LAMA5: variants seen among roughly 807,000 people sequenced by gnomAD.
LAMA5 encodes the protein laminin subunit alpha 5, also known as laminin subunit alpha-5.
Under a neutral mutation model 433.4 loss-of-function variants are expected in LAMA5, and 260 were observed. The observed-to-expected ratio is 0.60, with a 90% CI of 0.54 to 0.66. The LOEUF (loss-of-function observed/expected upper bound fraction) is 0.66, where lower values mean the gene tolerates loss of function less well. LAMA5 is among the 30% of genes least tolerant of loss of function. The pLI is 0.00. For missense variants in LAMA5, 5,378 were observed against 5,258.5 expected (o/e 1.02, Z -0.70); for synonymous variants, 2,620 against 2,226.6 (o/e 1.18, Z -4.97).
intron 2 of LAMA5, among the ~76,000 whole-genome samples, chr20:62,358,059 A>G (rs1156661185): frequency 6.6e-6 from 1 of 152,202 alleles, no homozygotes; most frequent in East Asian, 1.9e-4. Flanking sequence ...GTTTAGAAAC[A>G]GACAGAAAAC....
rs577910375 is a variant in LAMA5 at position 62,313,629 on chromosome 20, C to T, written c.8658+20G>A. 1 of 1,611,704 alleles carries T rather than the reference C, an allele frequency of 6.2e-7. No homozygotes were observed. Among genetic ancestry groups the T allele is most frequent in the South Asian group, 1.1e-5 (1 of 91,016 alleles). ...GGCTGCGGAGCCCCTCCCAGGCTGC[C>T]CCAGGCCGGGCGGGCTCACCGTGAA... is the stretch of plus-strand genomic sequence containing the variant. On this transcript the variant is annotated intron_variant, in intron 63 of 79. Transcript: ENST00000252999.
rs2146106679 is a variant in LAMA5, at chr20:62,320,889, C to T, written c.6498G>A (p.Val2166=). 4 of 1,606,164 alleles carry T rather than the reference C, an allele frequency of 2.5e-6. No homozygotes were observed. Among genetic ancestry groups the T allele is most frequent in the Non-Finnish European group, 3.4e-6 (4 of 1,176,248 alleles). ...GGAGCAGGACCACACAGTGGTCACA[C>T]ACTGCAGGCGATGTGGGGTCACAGG... ...GPVGHSIHCE[V]CDHCVVLLLD... Residue 2166 remains valine (V), a splice_region_variant and synonymous_variant, in exon 49 of 80, where the codon GTG becomes GTA. Transcript: ENST00000252999.
In LAMA5 at chr20:62,324,337, C is replaced by A; in HGVS notation, c.5643+104G>T. 7.0e-7 allele frequency: 1 copy of A among 1,436,298 alleles called. No homozygotes were observed. The allele number at this position is 1,436,298 out of a possible 1,614,324, so 89.0% of individuals were successfully genotyped here. A position where few individuals can be genotyped will look rare whatever the true frequency, so the allele number is the denominator to read the frequency against. ...GTCCCCCACTGGGCAACACCCTTCC[C>A]CAGACCTCAGTTGACCTGGAAGTGC... On this transcript the variant is annotated intron_variant, in intron 42 of 79. Transcript: ENST00000252999. The surrounding 1 kb of genome is among the most constrained non-coding windows in gnomAD (Gnocchi z 4.4).
intron 2 of LAMA5, among the ~76,000 whole-genome samples, chr20:62,361,849 C>A (rs1428759821): frequency 6.6e-6 from 1 of 152,228 alleles, no homozygotes; most frequent in African/African-American, 2.4e-5. Context: ...TTGGAGGCAC[C>A]CAGCTGCAGC....
In LAMA5 at chr20:62,330,940, C is replaced by A. The variant is rs200702801; in HGVS notation, c.3655G>T (p.Ala1219Ser). Residue 1219 changes from alanine (A) to serine (S), a missense_variant, in exon 30 of 80, where the codon GCC (alanine) becomes TCC (serine). Transcript: ENST00000252999. ...TTTGGGAAGCGCGAGGGCAGACAGG[C>A]GGCACTGGTGAGAGCACAGTGGGTG... is the stretch of plus-strand genomic sequence containing the variant. ...SHGAFGPNSA[A>S]CLPSRFPKPP... 2 of 1,552,090 alleles carry A rather than the reference C, an allele frequency of 1.3e-6. No homozygotes were observed. The highest frequency in any genetic ancestry group is 4.9e-5 in the East Asian group (2 of 41,012).
chr20:62,329,682 G>T, intron 32 of LAMA5, 95 bp downstream of exon 32: 1 of 1,474,728 alleles, frequency 6.8e-7, no homozygotes. Flanking sequence ...GCCTCAGCAG[G>T]CCCAGAAGAG....
chr20:62,329,273 C>G lies in LAMA5; in HGVS notation c.4120-20G>C. On this transcript the variant is annotated intron_variant, in intron 32 of 79. Coordinates refer to ENST00000252999, the MANE Select transcript of LAMA5 (RefSeq NM_005560.6). ...ATAATCCTAGGGGGTGAGGCCTGGT[C>G]ACTCTCCCGCGGGCCCAGAGCCTGC... 1.3e-6 allele frequency: 2 copies of G among 1,571,256 alleles called. No individual in the cohort carries two copies. Among genetic ancestry groups the G allele is most frequent in the Non-Finnish European group, 1.7e-6 (2 of 1,143,966 alleles).
rs1979865390 is a variant in LAMA5, at chr20:62,329,156, G to A, written c.4217C>T (p.Ala1406Val). The A allele has an allele frequency of 6.2e-7, 1 of 1,612,676 alleles. No individual in the cohort carries two copies. Among genetic ancestry groups the A allele is most frequent in the Admixed American group, 1.7e-5 (1 of 59,994 alleles). ...TGCCCACCTGATGTGGTAGCCCTGG[G>A]CTGCGCAGTGGCTGATGAAGTCATA... ...KSYDFISHCA[A>V]QGYHISPSSS... The change falls in exon 33 of 80, where the codon GCC becomes GTC. Residue 1406 changes from alanine (A) to valine (V), a missense_variant. Physicochemically the swap from Ala to Val is moderately conservative, Grantham distance 64. Transcript: ENST00000252999.
chr20:62,329,534 T>C (rs550744221), intron 32 of LAMA5, among the ~76,000 whole-genome samples: 2 of 152,272 alleles, frequency 1.3e-5, no homozygotes, highest in East Asian at 3.9e-4. Context: ...CTCTCCTTCC[T>C]GGAGGCCCCA....
At chr20:62,330,991 C>T (rs763804571) in intron 29 of LAMA5, 41 bp downstream of exon 29, 1 of 1,570,688 alleles carries the variant, frequency 6.4e-7, no homozygotes, top group East Asian at 2.4e-5. Context: ...TGCCGCCGGG[C>T]CCTCGGCCGC....
In LAMA5 at chr20:62,320,772, C is replaced by T. The variant is rs1987612505; in HGVS notation, c.6615G>A (p.Leu2205=). 2.5e-6 allele frequency: 4 copies of T among 1,612,644 alleles called. No homozygotes were observed. The East Asian group carries it at 8.9e-5, about 36-fold the overall frequency. ...CAGCGATGGAGGCGTTCAGCCTGTGCAGACGGGCCCAGGCCATGGAGCTGG... is the reference window on the plus strand; with the variant it reads ...CAGCGATGGAGGCGTTCAGCCTGTGTAGACGGGCCCAGGCCATGGAGCTGG... ...INASSMAWAR[L]HRLNASIADL... is the part of the protein sequence containing the mutation. The change falls in exon 49 of 80, where the codon CTG becomes CTA. Residue 2205 remains leucine, a synonymous_variant. Transcript: ENST00000252999.
At chr20:62,320,447 GCACTGA>G (rs1377897801) in intron 50 of LAMA5, 106 bp downstream of exon 50, 34 of 775,060 alleles carry the variant, frequency 4.4e-5, no homozygotes, top group Non-Finnish European at 5.9e-5. Context: ...CCTGTCCCCT[GCACTGA>G]CACATGTACG....
chr20:62,365,393 G>A (rs1408438963), intron 1 of LAMA5, among the ~76,000 whole-genome samples: 2 of 152,224 alleles, frequency 1.3e-5, no homozygotes, highest in Non-Finnish European at 2.9e-5. Flanking sequence ...GGAGAGGGGC[G>A]TTGACTACAG....
At position 62,323,815 on chromosome 20, in the gene LAMA5, C is replaced by T. The variant is rs1264679740; in HGVS notation, c.5810G>A (p.Cys1937Tyr). 1 of 1,610,700 alleles carries T rather than the reference C, an allele frequency of 6.2e-7. No individual in the cohort carries two copies. The highest frequency in any genetic ancestry group is 1.1e-5 in the South Asian group (1 of 90,810). The change falls in exon 44 of 80, where the codon TGC (cysteine) becomes TAC (tyrosine). Residue 1937 changes from cysteine (C) to tyrosine (Y), a missense_variant. Transcript: ENST00000252999. ...ACCTGCATAACCAGGTTTGCAGAGG[C>T]ACTGGGTGCGGCCGCCTCGCAGGAC... ...GCVLRGGRTQ[C>Y]LCKPGYAGAS...
chr20:62,340,834 A>G (rs1316632809), intron 11 of LAMA5, among the ~76,000 whole-genome samples: 1 of 151,870 alleles, frequency 6.6e-6, no homozygotes, highest in Non-Finnish European at 1.5e-5. Context: ...CAGGAGTTCG[A>G]GATCAGCCTG....
rs150724688 is a variant in LAMA5 at position 62,317,700 on chromosome 20, C to T, written c.7318G>A (p.Val2440Ile). ...TCCAGGCTGTGCAGCAATCTGAAGA[C>T]GCTGGCCAGGGTGTCCCTAGCCGCA... Reference protein sequence around the residue: ...LHAARDTLASVFRLLHSLDQA... With the variant: ...LHAARDTLASIFRLLHSLDQA... Residue 2440 changes from valine to isoleucine, a missense_variant, in exon 54 of 80, where the codon GTC becomes ATC. Physicochemically the swap from Val to Ile is conservative, Grantham distance 29. Coordinates refer to ENST00000252999, the MANE Select transcript of LAMA5 (RefSeq NM_005560.6). The T allele has an allele frequency of 7.2e-4, 1,146 of 1,602,128 alleles. 4 individuals carry two copies. In the African/African-American group the frequency reaches 0.011, roughly 15 times the overall value.
chr20:62,312,256 C>T lies in LAMA5; in HGVS notation c.9421G>A (p.Ala3141Thr). The T allele has an allele frequency of 6.2e-7, 1 of 1,611,178 alleles. No individual in the cohort carries two copies. Among genetic ancestry groups the T allele is most frequent in the Non-Finnish European group, 8.5e-7 (1 of 1,179,406 alleles). Residue 3141 changes from alanine to threonine, a missense_variant, in exon 69 of 80, where the codon GCA becomes ACA. Physicochemically the swap from Ala to Thr is moderately conservative, Grantham distance 58. Transcript: ENST00000252999. ...GFLRLALSNV[A>T]PLTGNVYSGF... ...GAGTAGACGTTGCCAGTGAGCGGTG[C>T]CACGTTCGAGAGCGCCAGGCGAAGG...
intron 23 of LAMA5, 24 bp downstream of exon 23, chr20:62,333,877 C>T: frequency 6.5e-7 from 1 of 1,546,914 alleles, no homozygotes; most frequent in Non-Finnish European, 8.8e-7. Flanking sequence ...GGGGCAGGGG[C>T]TGTGGCCCAG....
At chr20:62,365,235 C>T (rs572386859) in intron 1 of LAMA5, among the ~76,000 whole-genome samples, 79 of 152,360 alleles carry the variant, frequency 5.2e-4, no homozygotes, top group Middle Eastern at 3.4e-3. Context: ...GCATGGAGCA[C>T]CACAGCCCAC....
Sources: gnomAD v4.1 joint callset for allele counts (sites outside exome capture counted in the v4.1 genomes callset) on GRCh38, gnomAD v4.1.1 for gene constraint, Gnocchi (gnomAD v3.1) non-coding constraint, MANE v1.5 for transcripts, NCBI Gene and HGNC (gene_info 2026-07-23, HGNC 2026-07-21) for gene names.